BCAR3: variants seen among roughly 807,000 people sequenced by gnomAD.
BCAR3 encodes the protein BCAR3 adaptor protein, NSP family member.
A neutral mutation model predicts 80.1 loss-of-function variants in BCAR3; 37 were observed. The observed-to-expected ratio is 0.46, with a 90% confidence interval of 0.36 to 0.61. The LOEUF (loss-of-function observed/expected upper bound fraction) is 0.61, where lower values mean the gene tolerates loss of function less well. BCAR3 is among the 20% of genes least tolerant of loss of function. The pLI is 0.00. For synonymous variants in BCAR3, 389 were observed against 418.9 expected (o/e 0.93, Z 0.87); for missense variants, 978 against 1,068.2 (o/e 0.92, Z 1.18).
chr1:93,718,339 A>T (rs181805376), intron 2 of BCAR3, among the ~76,000 whole-genome samples: 1 of 152,200 alleles, frequency 6.6e-6, no homozygotes, highest in African/African-American at 2.4e-5. Context: ...CCAAAGATGA[A>T]GGTAGAATGC....
chr1:93,681,921 G>A (rs890424208), upstream of BCAR3: 1 of 152,300 alleles, frequency 6.6e-6, no homozygotes, highest in African/African-American at 2.4e-5. Context: ...GCGCTGCCTT[G>A]CGGAACCCCC....
intron 2 of BCAR3, among the ~76,000 whole-genome samples, chr1:93,725,909 G>T (rs1650565626): frequency 6.6e-6 from 1 of 152,104 alleles, no homozygotes; most frequent in Admixed American, 6.5e-5. Flanking sequence ...TATTTGGCAG[G>T]TCTATTTCTG....
intron 2 of BCAR3, among the ~76,000 whole-genome samples, chr1:93,660,095 C>T (rs1354315732): frequency 1.3e-5 from 2 of 151,586 alleles, no homozygotes; most frequent in African/African-American, 4.9e-5. Flanking sequence ...TTCTCTAATA[C>T]GCGGAAGACC....
intron 3 of BCAR3, among the ~76,000 whole-genome samples, chr1:93,605,093 C>T (rs1468315413): frequency 6.6e-6 from 1 of 152,180 alleles, no homozygotes; most frequent in African/African-American, 2.4e-5. Context: ...AAAGCCCTGG[C>T]GGGTACCTTC....
At chr1:93,711,108 A>G (rs1310136861) in intron 2 of BCAR3, among the ~76,000 whole-genome samples, 1 of 152,250 alleles carries the variant, frequency 6.6e-6, no homozygotes, top group Non-Finnish European at 1.5e-5. Context: ...GAAGGCACCC[A>G]AAATAGAAGC....
intron 2 of BCAR3, among the ~76,000 whole-genome samples, chr1:93,643,314 C>T (rs1676048429): frequency 6.6e-6 from 1 of 150,514 alleles, no homozygotes; most frequent in East Asian, 2.0e-4. Flanking sequence ...CATTTGAGGT[C>T]AGGAGTTGGA....
chr1:93,648,526 T>C (rs1163991704), intron 2 of BCAR3, among the ~76,000 whole-genome samples: 1 of 152,192 alleles, frequency 6.6e-6, no homozygotes, highest in African/African-American at 2.4e-5. Flanking sequence ...AAGAATAAAA[T>C]AGAGAATTTT....
intron 2 of BCAR3, among the ~76,000 whole-genome samples, chr1:93,777,157 C>T (rs1652578573): frequency 6.6e-6 from 1 of 152,136 alleles, no homozygotes; most frequent in South Asian, 2.1e-4. Context: ...CTAGAGGCTT[C>T]AGAGGAACAC....
At chr1:93,589,522 C>G (rs986475402) in intron 4 of BCAR3, 103 bp from the exon 5 acceptor site, 3 of 972,238 alleles carry the variant, frequency 3.1e-6, no homozygotes, top group Non-Finnish European at 4.5e-6. Context: ...GACAATGCTA[C>G]TATGTCTCTT....
At chr1:93,790,024 G>C (rs746376503) in intron 2 of BCAR3, among the ~76,000 whole-genome samples, 4 of 152,150 alleles carry the variant, frequency 2.6e-5, no homozygotes, top group Non-Finnish European at 5.9e-5. Flanking sequence ...GAGGGAGTGT[G>C]TGGGACAAAA....
intron 1 of BCAR3, 29 bp from the exon 2 acceptor site, chr1:93,674,970 TAA>T: frequency 6.7e-7 from 1 of 1,488,420 alleles, no homozygotes; most frequent in South Asian, 1.4e-5. Context: ...AGTGAAGGTA[TAA>T]ATCTATGAGA....
chr1:93,655,986 G>A (rs973084484), intron 2 of BCAR3, among the ~76,000 whole-genome samples: 3 of 152,172 alleles, frequency 2.0e-5, no homozygotes, highest in Non-Finnish European at 4.4e-5. Flanking sequence ...TCTTCGTGCA[G>A]GACATTCTCT....
chr1:93,603,681 G>A lies in BCAR3; in HGVS notation c.358-11288C>T, dbSNP rs116729776. ...TCCATTTTCAATCAAGAGTTTGATA[G>A]TCACTGGAACACCGTGCCTTAAATG... On this transcript the variant is annotated intron_variant, in intron 3 of 11. Transcript: ENST00000260502. Among the ~76,000 whole-genome samples, 1,310 of 152,312 alleles carry A rather than the reference G, an allele frequency of 8.6e-3. 10 individuals carry two copies. Among genetic ancestry groups the A allele is most frequent in the Non-Finnish European group, 0.015 (1,015 of 68,036 alleles).
intron 2 of BCAR3, among the ~76,000 whole-genome samples, chr1:93,844,521 G>A (rs1207802166): frequency 1.3e-5 from 2 of 152,110 alleles, no homozygotes; most frequent in African/African-American, 2.4e-5. Flanking sequence ...TACAGATACA[G>A]CCTGAGAAAA....
At chr1:93,629,752 A>T (rs537785806) in intron 3 of BCAR3, among the ~76,000 whole-genome samples, 3 of 152,328 alleles carry the variant, frequency 2.0e-5, no homozygotes, top group Admixed American at 1.3e-4. Flanking sequence ...AGTTAACAAG[A>T]TCTCCCAAAG....
intron 3 of BCAR3, among the ~76,000 whole-genome samples, chr1:93,693,269 G>T (rs566669786): frequency 1.3e-5 from 2 of 152,196 alleles, no homozygotes; most frequent in Admixed American, 6.5e-5. Flanking sequence ...TAGCACTTTG[G>T]GGGGCTAACC....
chr1:93,721,522 C>T (rs1324282845), intron 2 of BCAR3, among the ~76,000 whole-genome samples: 1 of 152,142 alleles, frequency 6.6e-6, no homozygotes, highest in Non-Finnish European at 1.5e-5. Context: ...CGGAACTTTT[C>T]CTAGAGATAC....
intron 2 of BCAR3, among the ~76,000 whole-genome samples, chr1:93,721,198 G>C (rs185370266): frequency 6.6e-6 from 1 of 152,118 alleles, no homozygotes; most frequent in Non-Finnish European, 1.5e-5. Context: ...ATTAGTAGTA[G>C]CTGGGAGGGG....
Position 93,562,429 on chromosome 1 carries a change from C to A in BCAR3, c.2300-10G>T. On this transcript the variant is annotated splice_polypyrimidine_tract_variant and intron_variant, in intron 11 of 11. Transcript: ENST00000260502. ...TCATCTGGTTGAAAACCTAATGAAACAAAATAAACAAAAAGTTACTTCAGT... is the reference window on the plus strand; with the variant it reads ...TCATCTGGTTGAAAACCTAATGAAAAAAAATAAACAAAAAGTTACTTCAGT... 2 of 1,609,898 alleles carry A rather than the reference C, an allele frequency of 1.2e-6. No individual in the cohort carries two copies. The highest frequency in any genetic ancestry group is 1.7e-6 in the Non-Finnish European group (2 of 1,177,942).
Sources: allele counts gnomAD v4.1 joint callset (sites outside exome capture counted in the v4.1 genomes callset), GRCh38; gene constraint gnomAD v4.1.1; transcripts MANE v1.5; gene names NCBI Gene and HGNC (gene_info 2026-07-23, HGNC 2026-07-21).